The following TECPR2 variants were observed in gnomAD, a reference collection of about 807,000 sequenced individuals.
TECPR2 encodes tectonin beta-propeller repeat containing 2, also known as tectonin beta-propeller repeat-containing protein 2.
TECPR2 carries 65 observed loss-of-function variants against 138.1 expected under a neutral mutation model. The observed-to-expected ratio is 0.47, with a 90% confidence interval of 0.39 to 0.58. The LOEUF is 0.58. TECPR2 is among the 20% of genes least tolerant of loss of function. The pLI, the probability that TECPR2 is intolerant of heterozygous loss-of-function variation, is 0.00. For synonymous variants in TECPR2, 746 were observed against 749.8 expected (o/e 0.99, Z 0.08); for missense variants, 1,553 against 1,824.5 (o/e 0.85, Z 2.71).
intron 2 of TECPR2, among the ~76,000 whole-genome samples, chr14:102,384,237 T>C (rs1727606004): frequency 6.6e-6 from 1 of 152,074 alleles, no homozygotes; most frequent in South Asian, 2.1e-4. Flanking sequence ...TTTTTATTTT[T>C]TTACTATTTT....
At chr14:102,400,797 G>A (rs531779560) in intron 2 of TECPR2, among the ~76,000 whole-genome samples, 12 of 152,124 alleles carry the variant, frequency 7.9e-5, no homozygotes, top group Non-Finnish European at 1.6e-4. Context: ...ACTTTGGGAG[G>A]CCGAGGCGGG....
At chr14:102,390,844 A>G (rs1448315785) in intron 2 of TECPR2, among the ~76,000 whole-genome samples, 1 of 151,802 alleles carries the variant, frequency 6.6e-6, no homozygotes, top group Non-Finnish European at 1.5e-5. Context: ...TTAGCATCTG[A>G]TTTGTATGAC....
intron 13 of TECPR2, among the ~76,000 whole-genome samples, chr14:102,447,591 A>G (rs1048981890): frequency 1.3e-5 from 2 of 151,876 alleles, no homozygotes; most frequent in African/African-American, 2.4e-5. Context: ...CTGGAGTACA[A>G]TGGCGCAATC....
Position 102,440,603 on chromosome 14 carries a change from C to A in TECPR2, c.2746C>A (p.Gln916Lys). The change falls in exon 11 of 20, where the codon CAG becomes AAG. Residue 916 changes from glutamine to lysine, a missense_variant. Coordinates refer to ENST00000359520, the MANE Select transcript of TECPR2 (RefSeq NM_014844.5). ...IIRTSGDLYL[Q>K]TGLSVDRPCA... ...CAGGACCAGTGGGGACCTATACTTGCAGACAGGTAACCGCGGGCCACGCTT... is the reference window on the plus strand; with the variant it reads ...CAGGACCAGTGGGGACCTATACTTGAAGACAGGTAACCGCGGGCCACGCTT... 1 of 1,613,348 alleles carries A rather than the reference C, an allele frequency of 6.2e-7. No homozygotes were observed. Among genetic ancestry groups the A allele is most frequent in the Non-Finnish European group, 8.5e-7 (1 of 1,179,618 alleles).
In TECPR2 at chr14:102,428,487, A is replaced by G. The variant is rs975404387; in HGVS notation, c.1084+105A>G. 32 of 1,535,622 alleles carry G rather than the reference A, an allele frequency of 2.1e-5. No homozygotes were observed. The African/African-American group carries it at 3.5e-4, about 17-fold the overall frequency. On this transcript the variant is annotated intron_variant, in intron 7 of 19. Coordinates refer to ENST00000359520, the MANE Select transcript of TECPR2 (RefSeq NM_014844.5). Reference sequence around the variant, plus strand: ...GATCAAACTTACCATTGGGCCAGGCATGGTGGCTCACGCCTGTAATCCCAG... The same window carrying G: ...GATCAAACTTACCATTGGGCCAGGCGTGGTGGCTCACGCCTGTAATCCCAG...
In TECPR2 at chr14:102,408,863, A is replaced by G. The variant is rs2274045; in HGVS notation, c.480+244A>G. 0.38 allele frequency among the ~76,000 whole-genome samples: 58,280 copies of G among 152,052 alleles called. 11,418 individuals are homozygous for G. The highest frequency in any genetic ancestry group is 0.51 in the Middle Eastern group (148 of 292). ...CACTGTTGTGTATTACTTTTACTTG[A>G]AAAAGAAGCTATTATCATTCCTACT... is the stretch of plus-strand genomic sequence containing the variant. On this transcript the variant is annotated intron_variant, in intron 4 of 19. Transcript: ENST00000359520.
intron 16 of TECPR2, among the ~76,000 whole-genome samples, chr14:102,462,839 A>C (rs1241724890): frequency 6.6e-6 from 1 of 152,262 alleles, no homozygotes; most frequent in Non-Finnish European, 1.5e-5. Flanking sequence ...TACAATGTGC[A>C]GAGAACTCCT....
intron 3 of TECPR2, among the ~76,000 whole-genome samples, chr14:102,408,093 C>G (rs998904996): frequency 6.6e-6 from 1 of 151,622 alleles, no homozygotes; most frequent in Non-Finnish European, 1.5e-5. Context: ...CACTTGAACC[C>G]GGGAGGCAGA....
chr14:102,369,127 T>C (rs1887424028), intron 1 of TECPR2, among the ~76,000 whole-genome samples: 1 of 152,132 alleles, frequency 6.6e-6, no homozygotes. Flanking sequence ...TCTGACCTTT[T>C]GTAATACCCA....
rs774588446 is a variant in TECPR2, at chr14:102,498,146, C to T, written c.4125C>T (p.Tyr1375=). The T allele has an allele frequency of 6.2e-7, 1 of 1,613,308 alleles. No homozygotes were observed. Among genetic ancestry groups the T allele is most frequent in the Non-Finnish European group, 8.5e-7 (1 of 1,179,988 alleles). ...DELWAVGPPG[Y]LLQRLTKTFS... ...TGTGGGCTGTGGGCCCGCCCGGCTA[C>T]CTCCTCCAACGGCTGACAAAGACGT... The change falls in exon 20 of 20, where the codon TAC becomes TAT. Residue 1375 remains tyrosine (Y), a synonymous_variant. Transcript: ENST00000359520.
intron 16 of TECPR2, among the ~76,000 whole-genome samples, chr14:102,464,236 T>A (rs1397771627): frequency 2.0e-5 from 3 of 152,260 alleles, no homozygotes; most frequent in African/African-American, 7.2e-5. Context: ...CCACAGCAGC[T>A]GCTCAGGAAC....
At chr14:102,417,575 G>A (rs1263088961) in intron 5 of TECPR2, among the ~76,000 whole-genome samples, 1 of 152,246 alleles carries the variant, frequency 6.6e-6, no homozygotes, top group African/African-American at 2.4e-5. Context: ...TCTTTGAGCT[G>A]AAGCCTGGGA....
At chr14:102,497,809 C>G in intron 19 of TECPR2, 90 bp downstream of exon 19, 1 of 1,413,504 alleles carries the variant, frequency 7.1e-7, no homozygotes, top group Non-Finnish European at 9.4e-7. Context: ...GAAGCCGACC[C>G]CACTGGGCTC....
chr14:102,381,291 G>A (rs1020232196), intron 2 of TECPR2, among the ~76,000 whole-genome samples: 2 of 152,228 alleles, frequency 1.3e-5, no homozygotes, highest in Non-Finnish European at 2.9e-5. Flanking sequence ...GTGGCTGAGA[G>A]GCCGGGCATG....
chr14:102,496,775 C>T (rs1891292254), intron 17 of TECPR2: 4 of 723,538 alleles, frequency 5.5e-6, no homozygotes, highest in Non-Finnish European at 8.9e-6. Context: ...GTCCCTCAGT[C>T]TGGCCCACCT....
At chr14:102,402,208 C>A (rs1228052434) in intron 2 of TECPR2, among the ~76,000 whole-genome samples, 2 of 152,100 alleles carry the variant, frequency 1.3e-5, no homozygotes, top group Non-Finnish European at 2.9e-5. Context: ...CTTATTGCAA[C>A]CACAACAGGA....
chr14:102,437,922 T>G, intron 9 of TECPR2, 100 bp from the exon 10 acceptor site: 1 of 1,372,358 alleles, frequency 7.3e-7, no homozygotes, highest in Non-Finnish European at 9.9e-7. Context: ...CGTTTTACCG[T>G]CTCGTGTTAA....
intron 2 of TECPR2, among the ~76,000 whole-genome samples, chr14:102,399,951 C>A (rs1258273244): frequency 1.3e-5 from 2 of 150,960 alleles, no homozygotes; most frequent in African/African-American, 4.9e-5. Context: ...TTTTTGTGTT[C>A]TACATGATTT....
rs1462169011 is a variant in TECPR2, at chr14:102,502,422, C to T, written c.*4165C>T. ...TGCCTTTTTGTATCCTTTGAATTTC[C>T]AGCCATGTAAATGTATTATTTATTC... On this transcript the variant is annotated 3_prime_UTR_variant, in exon 20 of 20. Coordinates refer to ENST00000359520, the MANE Select transcript of TECPR2 (RefSeq NM_014844.5). The T allele has an allele frequency of 6.6e-6, 1 of 152,566 alleles. No homozygotes were observed. Among genetic ancestry groups the T allele is most frequent in the Non-Finnish European group, 1.5e-5 (1 of 68,018 alleles). 9.5% of individuals were successfully genotyped at this position (152,566 alleles called of 1,614,324 possible).
Sources: allele counts gnomAD v4.1 joint callset (sites outside exome capture counted in the v4.1 genomes callset), GRCh38; gene constraint gnomAD v4.1.1; transcripts MANE v1.5; gene names NCBI Gene and HGNC (gene_info 2026-07-23, HGNC 2026-07-21).